The following ZNF385D variants were observed in gnomAD, a reference collection of about 807,000 sequenced individuals.
The protein encoded by ZNF385D is zinc finger protein 385D.
ZNF385D carries 15 observed loss-of-function variants against 35.8 expected under a neutral mutation model. The ratio of observed to expected loss-of-function variants is 0.42; its 90% confidence interval spans 0.28 to 0.64. The LOEUF (loss-of-function observed/expected upper bound fraction) is 0.64, where lower values mean the gene tolerates loss of function less well. ZNF385D is among the 30% of genes least tolerant of loss of function. The pLI, the probability that ZNF385D is intolerant of heterozygous loss-of-function variation, is 0.23. For missense variants in ZNF385D, 474 were observed against 494.6 expected (o/e 0.96, Z 0.39); for synonymous variants, 212 against 186.8 (o/e 1.13, Z -1.10).
At chr3:21,434,667 T>G (rs1701464601) in intron 5 of ZNF385D, among the ~76,000 whole-genome samples, 1 of 152,130 alleles carries the variant, frequency 6.6e-6, no homozygotes, top group Non-Finnish European at 1.5e-5. Flanking sequence ...CAGCAACTAT[T>G]TATGTGTCTT....
At chr3:21,555,328 T>C (rs942286324) in intron 3 of ZNF385D, among the ~76,000 whole-genome samples, 3 of 151,884 alleles carry the variant, frequency 2.0e-5, no homozygotes, top group Admixed American at 6.6e-5. Flanking sequence ...CAACCTGTCA[T>C]CTACATTAGG....
At chr3:21,878,023 T>C (rs1698073623) in intron 3 of ZNF385D, 1 of 152,028 alleles carries the variant, frequency 6.6e-6, no homozygotes, top group Admixed American at 6.6e-5. Flanking sequence ...AATATATTCT[T>C]CCATTTTAAG....
At chr3:21,471,155 A>G (rs1016717371) in intron 4 of ZNF385D, among the ~76,000 whole-genome samples, 4 of 152,104 alleles carry the variant, frequency 2.6e-5, no homozygotes, top group African/African-American at 9.6e-5. Flanking sequence ...GTTATGCCCA[A>G]ATTATCTTGA....
chr3:21,837,684 C>T (rs1695412015), intron 3 of ZNF385D, among the ~76,000 whole-genome samples: 1 of 151,876 alleles, frequency 6.6e-6, no homozygotes, highest in Admixed American at 6.6e-5. Flanking sequence ...TCATCCTGGC[C>T]AACATGGTGA....
chr3:22,233,577 A>C (rs1699015272), intron 2 of ZNF385D, among the ~76,000 whole-genome samples: 1 of 152,266 alleles, frequency 6.6e-6, no homozygotes, highest in Admixed American at 6.5e-5. Flanking sequence ...TTATACCTCC[A>C]TAAACTTAAG....
At chr3:21,857,894 T>A (rs1331624479) in intron 3 of ZNF385D, among the ~76,000 whole-genome samples, 1 of 151,824 alleles carries the variant, frequency 6.6e-6, no homozygotes, top group Non-Finnish European at 1.5e-5. Flanking sequence ...TAAATAGCCA[T>A]GGAACAAATG....
At chr3:21,480,580 G>C (rs1704555648) in intron 4 of ZNF385D, among the ~76,000 whole-genome samples, 1 of 151,952 alleles carries the variant, frequency 6.6e-6, no homozygotes, top group Admixed American at 6.6e-5. Flanking sequence ...CGGTCACCCA[G>C]CTCCTTCCAA....
intron 4 of ZNF385D, among the ~76,000 whole-genome samples, chr3:21,444,111 G>T (rs1166972650): frequency 1.5e-5 from 2 of 132,338 alleles, no homozygotes. Flanking sequence ...ACAGAGTCTC[G>T]CTCTGTCACC....
chr3:21,726,185 A>G (rs2068757643), intron 1 of ZNF385D, among the ~76,000 whole-genome samples: 1 of 152,218 alleles, frequency 6.6e-6, no homozygotes. Context: ...TTTCAAAATA[A>G]TAAGAGCTAT....
chr3:21,696,776 C>G lies in ZNF385D; in HGVS notation c.23-31748G>C, dbSNP rs76725360. On this transcript the variant is annotated intron_variant, in intron 1 of 7. Transcript: ENST00000281523. ...GTGCTTTATTGTGGGGGAAAATCTA[C>G]TCCTGAGTCAACCTCCCCATAAATC... Among the ~76,000 whole-genome samples, 614 of 152,314 alleles carry G rather than the reference C, an allele frequency of 4.0e-3. 6 individuals carry two copies. Among genetic ancestry groups the G allele is most frequent in the African/African-American group, 0.014 (579 of 41,572 alleles).
chr3:21,891,506 A>AT (rs1321209410), intron 3 of ZNF385D, among the ~76,000 whole-genome samples: 1 of 152,084 alleles, frequency 6.6e-6, no homozygotes, highest in African/African-American at 2.4e-5. Flanking sequence ...TTTGTTTACT[A>AT]TCTTTTTTCC....
Position 22,139,286 on chromosome 3 carries a change from T to A in ZNF385D, c.325+29531A>T, listed in dbSNP as rs370894975. Among the ~76,000 whole-genome samples the A allele has an allele frequency of 7.2e-5, 11 of 152,270 alleles. 2 individuals carry two copies. Among genetic ancestry groups the A allele is most frequent in the East Asian group, 5.8e-4 (3 of 5,178 alleles). ...CTGGGTATATACCCAAAGAATTATATATCATGCTGCTATAAAGACACATGT... is the reference window on the plus strand; with the variant it reads ...CTGGGTATATACCCAAAGAATTATAAATCATGCTGCTATAAAGACACATGT... On this transcript the variant is annotated intron_variant, in intron 3 of 5. Transcript: ENST00000494108.
intron 2 of ZNF385D, among the ~76,000 whole-genome samples, chr3:22,181,782 C>T (rs1056481267): frequency 6.6e-6 from 1 of 151,868 alleles, no homozygotes; most frequent in Non-Finnish European, 1.5e-5. Context: ...ATAGTAATGC[C>T]CATAGACTCT....
chr3:21,707,083 C>T (rs1427216668), intron 1 of ZNF385D, among the ~76,000 whole-genome samples: 1 of 152,058 alleles, frequency 6.6e-6, no homozygotes, highest in African/African-American at 2.4e-5. Context: ...GTGGGCTTTA[C>T]TTGCCAAGAA....
At chr3:21,610,614 CA>C (rs546208715) in intron 2 of ZNF385D, among the ~76,000 whole-genome samples, 2,583 of 145,502 alleles carry the variant, frequency 0.018, 38 homozygotes, top group Non-Finnish European at 0.026. Context: ...ACTAAACATA[CA>C]AAAAAAAAAA....
rs555023168 is a variant in ZNF385D at position 21,594,863 on chromosome 3, A to G, written c.166-30179T>C. Among the ~76,000 whole-genome samples the G allele has an allele frequency of 2.0e-5, 3 of 152,300 alleles. 1 individual carries two copies. Among genetic ancestry groups the G allele is most frequent in the African/African-American group, 7.2e-5 (3 of 41,564 alleles). On this transcript the variant is annotated intron_variant, in intron 2 of 7. Transcript: ENST00000281523. The stretch of plus-strand genomic sequence containing the variant: ...ATAATGAGCTGCTGAACCCATGATA[A>G]TTATAAACACATTTTTAAAAACACA...
rs59265303 is a variant in ZNF385D, at chr3:21,937,999, A to C, written c.325+230818T>G. Among the ~76,000 whole-genome samples, 376 of 152,338 alleles carry C rather than the reference A, an allele frequency of 2.5e-3. 1 individual carries two copies. The highest frequency in any genetic ancestry group is 8.6e-3 in the African/African-American group (358 of 41,584). ...TATATGGCAGATGTGTAATTTCCAG[A>C]AGTAATATAACACAGTGCGAAATCT... On this transcript the variant is annotated intron_variant, in intron 3 of 5. Transcript: ENST00000494108.
intron 2 of ZNF385D, among the ~76,000 whole-genome samples, chr3:22,193,450 A>G (rs1272401922): frequency 6.6e-6 from 1 of 152,102 alleles, no homozygotes; most frequent in Non-Finnish European, 1.5e-5. Context: ...TATGATATTA[A>G]CGAATATTAC....
intron 2 of ZNF385D, 54 bp from the exon 3 acceptor site, chr3:21,564,738 T>A (rs1460730874): frequency 3.4e-6 from 4 of 1,182,296 alleles, no homozygotes; most frequent in Non-Finnish European, 3.5e-6. Context: ...GTCAGTTCCA[T>A]TGGAATTTTG....
Sources: gnomAD v4.1 joint callset for allele counts (sites outside exome capture counted in the v4.1 genomes callset) on GRCh38, gnomAD v4.1.1 for gene constraint, MANE v1.5 for transcripts, NCBI Gene and HGNC (gene_info 2026-07-23, HGNC 2026-07-21) for gene names.